PACSIN2: variants seen among roughly 807,000 people sequenced by gnomAD.
PACSIN2 encodes the protein protein kinase C and casein kinase substrate in neurons 2.
PACSIN2 carries 25 observed loss-of-function variants against 63.8 expected under a neutral mutation model. The observed-to-expected ratio is 0.39, with a 90% CI of 0.29 to 0.55. The LOEUF (loss-of-function observed/expected upper bound fraction) is 0.55, where lower values mean the gene tolerates loss of function less well. PACSIN2 is among the 20% of genes least tolerant of loss of function. PACSIN2 has a pLI of 0.62. For missense variants in PACSIN2, 518 were observed against 646.9 expected, an observed-to-expected ratio of 0.80 and a Z score of 2.16; for synonymous variants, 255 against 256.2, an observed-to-expected ratio of 1.00 and a Z score of 0.05.
At chr22:42,974,846 G>T (rs552121695) in intron 1 of PACSIN2, among the ~76,000 whole-genome samples, 1 of 151,866 alleles carries the variant, frequency 6.6e-6, no homozygotes, top group Non-Finnish European at 1.5e-5. Context: ...GGAGGAGGAC[G>T]AGGAGAAGGA....
chr22:42,877,126 G>T, intron 8 of PACSIN2, 116 bp from the exon 9 acceptor site: 1 of 1,096,894 alleles, frequency 9.1e-7, no homozygotes, highest in Non-Finnish European at 1.3e-6. Flanking sequence ...TGACCGGAGG[G>T]GACCGTGGTG....
intron 1 of PACSIN2, among the ~76,000 whole-genome samples, chr22:42,923,314 T>C (rs738385): frequency 0.43 from 65,122 of 152,118 alleles, 14,547 homozygotes; most frequent in Non-Finnish European, 0.48. Context: ...GCAGACCACA[T>C]TGCTGGTCTT....
chr22:42,946,157 C>T (rs573516917), intron 1 of PACSIN2, among the ~76,000 whole-genome samples: 22 of 152,292 alleles, frequency 1.4e-4, no homozygotes, highest in African/African-American at 5.3e-4. Flanking sequence ...GTTTCAAAAG[C>T]AAAATAATAA....
intron 1 of PACSIN2, among the ~76,000 whole-genome samples, chr22:42,940,271 TC>T (rs2146800798): frequency 6.6e-6 from 1 of 152,350 alleles, no homozygotes; most frequent in African/African-American, 2.4e-5. Context: ...AATAGATTTT[TC>T]TATTTTATAC....
At chr22:42,984,770 G>T (rs543003919) in intron 1 of PACSIN2, among the ~76,000 whole-genome samples, 10 of 152,056 alleles carry the variant, frequency 6.6e-5, no homozygotes, top group African/African-American at 1.2e-4. Context: ...ACACAAGGAG[G>T]GCAGAAAACA....
chr22:42,997,362 TC>T (rs1414779667), intron 1 of PACSIN2, among the ~76,000 whole-genome samples: 2 of 152,040 alleles, frequency 1.3e-5, no homozygotes, highest in Non-Finnish European at 2.9e-5. Context: ...ATTGAGACCA[TC>T]CTGGCTAACA....
intron 2 of PACSIN2, among the ~76,000 whole-genome samples, chr22:42,909,207 T>G (rs116817600): frequency 0.01 from 1,538 of 152,252 alleles, 27 homozygotes; most frequent in African/African-American, 0.035. Flanking sequence ...GCACCTGGCA[T>G]GATGACCTGC....
intron 1 of PACSIN2, among the ~76,000 whole-genome samples, chr22:42,975,075 T>C (rs1270735315): frequency 6.6e-6 from 1 of 152,168 alleles, no homozygotes; most frequent in Non-Finnish European, 1.5e-5. Context: ...TTCTACTACA[T>C]TGTAACAAGG....
chr22:42,974,803 AG>A (rs910554931), intron 1 of PACSIN2, among the ~76,000 whole-genome samples: 66 of 151,268 alleles, frequency 4.4e-4, no homozygotes, highest in African/African-American at 1.5e-3. Context: ...GGAGGAGGAG[AG>A]GAAGAAAAGA....
chr22:42,874,974 C>A (rs1239723519), intron 10 of PACSIN2, among the ~76,000 whole-genome samples: 1 of 152,150 alleles, frequency 6.6e-6, no homozygotes, highest in East Asian at 1.9e-4. Context: ...CGTCAGCCTC[C>A]CGAGTAGCTG....
intron 8 of PACSIN2, among the ~76,000 whole-genome samples, chr22:42,877,254 C>T (rs1247622143): frequency 2.0e-5 from 3 of 152,138 alleles, no homozygotes; most frequent in African/African-American, 7.2e-5. Context: ...GGAGACAGTC[C>T]GTCCAGAACA....
chr22:42,956,128 T>C (rs1342801137), intron 1 of PACSIN2, among the ~76,000 whole-genome samples: 1 of 152,220 alleles, frequency 6.6e-6, no homozygotes, highest in Non-Finnish European at 1.5e-5. Context: ...ATGGGAAACA[T>C]GACTGAGTAT....
intron 1 of PACSIN2, among the ~76,000 whole-genome samples, chr22:42,926,637 T>G (rs907508866): frequency 4.0e-5 from 6 of 151,098 alleles, no homozygotes; most frequent in African/African-American, 1.5e-4. Flanking sequence ...CTTGTTTCAC[T>G]CAACATGACA....
intron 1 of PACSIN2, chr22:42,959,665 C>T (rs985761187): frequency 6.6e-6 from 1 of 152,224 alleles, no homozygotes; most frequent in South Asian, 2.1e-4. Context: ...AGCTCTAAAA[C>T]TAGGTGCGCT....
intron 7 of PACSIN2, among the ~76,000 whole-genome samples, chr22:42,880,294 C>T (rs1928973286): frequency 6.6e-6 from 1 of 152,218 alleles, no homozygotes; most frequent in East Asian, 1.9e-4. Context: ...GACTTGGGCC[C>T]GACCCCAAAT....
chr22:42,944,481 A>G (rs181063138), intron 1 of PACSIN2, among the ~76,000 whole-genome samples: 14 of 152,366 alleles, frequency 9.2e-5, no homozygotes, highest in Admixed American at 9.1e-4. Flanking sequence ...AATAGGCTTC[A>G]TGGAAAAATC....
Position 42,876,925 on chromosome 22 carries a change from T to C in PACSIN2, c.1114A>G (p.Ser372Gly). 1 of 1,614,194 alleles carries C rather than the reference T, an allele frequency of 6.2e-7. No individual in the cohort carries two copies. The change falls in exon 9 of 11, where the codon AGC becomes GGC. Residue 372 changes from serine to glycine, a missense_variant. Ser to Gly is a moderately conservative substitution (Grantham distance 56). This residue lies in a region of PACSIN2 where 507 missense variants were observed against 612.3 expected (regional missense o/e 0.83). Transcript: ENST00000263246. Reference sequence around the variant, plus strand: ...GTGTCGTCCTTCTCACTGACGGTGCTGCCCGTGTCGTCCTCATCCTCGAAG... The same window carrying C: ...GTGTCGTCCTTCTCACTGACGGTGCCGCCCGTGTCGTCCTCATCCTCGAAG... ...NPFEDEDDTG[S>G]TVSEKDDTKA...
chr22:42,930,766 A>G (rs1448513537), intron 1 of PACSIN2, among the ~76,000 whole-genome samples: 1 of 152,236 alleles, frequency 6.6e-6, no homozygotes, highest in East Asian at 1.9e-4. Context: ...AAATTTATAG[A>G]TGAAGAAACA....
intron 1 of PACSIN2, among the ~76,000 whole-genome samples, chr22:42,934,364 CCTTTTCCCTT>C (rs1356862611): frequency 4.3e-4 from 65 of 152,352 alleles, no homozygotes; most frequent in African/African-American, 1.4e-3. Flanking sequence ...GTGCAGATCG[CCTTTTCCCTT>C]CTTTTCCCTT....
Sources: gnomAD v4.1 joint callset for allele counts (sites outside exome capture counted in the v4.1 genomes callset) on GRCh38, gnomAD v4.1.1 for gene constraint, gnomAD v4.1.1 regional missense constraint, MANE v1.5 for transcripts, NCBI Gene and HGNC (gene_info 2026-07-23, HGNC 2026-07-21) for gene names.